NRG1: variants seen among roughly 807,000 people sequenced by gnomAD.
NRG1 encodes pro-neuregulin-1, membrane-bound isoform.
In NRG1, 18 loss-of-function variants were observed where a neutral mutation model predicts 63.8. That is an observed-to-expected ratio of 0.28 (90% CI 0.19 to 0.42). NRG1 has a LOEUF of 0.42. NRG1 is among the 10% of genes least tolerant of loss of function. NRG1 has a pLI of 1.00. For synonymous variants in NRG1, 302 were observed against 301.3 expected (o/e 1.00, Z -0.02); for missense variants, 762 against 814.7 (o/e 0.94, Z 0.79).
chr8:32,173,159 A>G (rs904345988), intron 1 of NRG1, among the ~76,000 whole-genome samples: 1 of 152,066 alleles, frequency 6.6e-6, no homozygotes, highest in Non-Finnish European at 1.5e-5. Flanking sequence ...AAACTCTACA[A>G]GCCAGAAGAG....
downstream of NRG1, among the ~76,000 whole-genome samples, chr8:32,772,232 C>T (rs917203766): frequency 6.6e-6 from 1 of 151,496 alleles, no homozygotes; most frequent in Non-Finnish European, 1.5e-5. Context: ...ATGCATAAAA[C>T]AGAATTTTTT....
At chr8:32,101,055 C>T (rs187581286) in intron 1 of NRG1, among the ~76,000 whole-genome samples, 148 of 152,088 alleles carry the variant, frequency 9.7e-4, no homozygotes, top group Admixed American at 4.5e-3. Context: ...AGGCATTTTC[C>T]GGCATCTCAT....
At chr8:32,736,510 C>T (rs1451527274) in intron 6 of NRG1, among the ~76,000 whole-genome samples, 1 of 152,132 alleles carries the variant, frequency 6.6e-6, no homozygotes, top group East Asian at 1.9e-4. Context: ...CACCAATATT[C>T]CTTGATAGAG....
At chr8:32,483,976 G>A (rs556470347) in intron 1 of NRG1, among the ~76,000 whole-genome samples, 7 of 151,980 alleles carry the variant, frequency 4.6e-5, no homozygotes, top group South Asian at 4.1e-4. Flanking sequence ...GGTGTCAGGC[G>A]CCTGCAGTCC....
At chr8:32,627,292 G>A (rs1002190750) in intron 5 of NRG1, among the ~76,000 whole-genome samples, 2 of 152,102 alleles carry the variant, frequency 1.3e-5, no homozygotes, top group Non-Finnish European at 2.9e-5. Flanking sequence ...ATAGTTTGGG[G>A]AACTTTCTGA....
At chr8:32,705,789 G>A (rs1450876943) in intron 5 of NRG1, among the ~76,000 whole-genome samples, 1 of 152,148 alleles carries the variant, frequency 6.6e-6, no homozygotes, top group Non-Finnish European at 1.5e-5. Flanking sequence ...GAACTTCAAG[G>A]TTGGAAGATG....
At chr8:32,680,843 C>T (rs1808414761) in intron 5 of NRG1, among the ~76,000 whole-genome samples, 1 of 151,874 alleles carries the variant, frequency 6.6e-6, no homozygotes, top group African/African-American at 2.4e-5. Flanking sequence ...CCCCAAGCAT[C>T]CAGTATATTT....
chr8:32,645,112 T>C (rs891322651), intron 5 of NRG1, among the ~76,000 whole-genome samples: 21 of 152,224 alleles, frequency 1.4e-4, no homozygotes, highest in Admixed American at 1.2e-3. Flanking sequence ...TAGTTTAGCA[T>C]AAACACCTGC....
chr8:32,548,142 G>T, upstream of NRG1: 7 of 880,494 alleles, frequency 8.0e-6, no homozygotes, highest in Non-Finnish European at 9.5e-6. Flanking sequence ...GGAGCGCCGA[G>T]CCCAGGCTCC....
chr8:31,981,827 A>C (rs1250636129), intron 1 of NRG1, among the ~76,000 whole-genome samples: 1 of 150,978 alleles, frequency 6.6e-6, no homozygotes, highest in South Asian at 2.1e-4. Context: ...AAGAGCTTAC[A>C]AAAAAAAAGG....
intron 1 of NRG1, among the ~76,000 whole-genome samples, chr8:32,375,516 A>C (rs1459676477): frequency 6.6e-6 from 1 of 152,150 alleles, no homozygotes; most frequent in African/African-American, 2.4e-5. Context: ...TCAGGAGAGA[A>C]GATGTTGCCC....
intron 1 of NRG1, among the ~76,000 whole-genome samples, chr8:31,736,509 A>G (rs997838044): frequency 2.6e-5 from 4 of 152,102 alleles, no homozygotes; most frequent in Admixed American, 6.6e-5. Context: ...TAAATCTTTA[A>G]TTATCCATAA....
chr8:31,813,516 C>CTTTTCTTTTCTTTTCTTTTTT, intron 1 of NRG1, among the ~76,000 whole-genome samples: 172 of 101,222 alleles, frequency 1.7e-3, no homozygotes, highest in East Asian at 4.7e-3. Context: ...CTTTTCTTTT[C>CTTTTCTTTTCTTTTCTTTTTT]TTTTTTTTTT....
At chr8:32,324,870 CA>C (rs1162925840) in intron 1 of NRG1, among the ~76,000 whole-genome samples, 9 of 152,178 alleles carry the variant, frequency 5.9e-5, no homozygotes, top group African/African-American at 2.2e-4. Context: ...CTGACTCTTT[CA>C]AGCTGTAAGC....
At chr8:32,068,057 C>T (rs1050269450) in intron 1 of NRG1, among the ~76,000 whole-genome samples, 4 of 152,128 alleles carry the variant, frequency 2.6e-5, no homozygotes, top group East Asian at 1.9e-4. Flanking sequence ...GTTTCCCTCC[C>T]GTGCTGAATA....
intron 1 of NRG1, among the ~76,000 whole-genome samples, chr8:32,573,453 T>A (rs1308022722): frequency 6.6e-6 from 1 of 152,324 alleles, no homozygotes; most frequent in South Asian, 2.1e-4. Context: ...ATAATATTCC[T>A]TGAAGAGATA....
chr8:32,622,678 A>G (rs1000523526), intron 5 of NRG1, among the ~76,000 whole-genome samples: 1 of 152,226 alleles, frequency 6.6e-6, no homozygotes, highest in Non-Finnish European at 1.5e-5. Context: ...TGCAGGCATA[A>G]GCCACCATGC....
At chr8:31,874,978 A>T (rs2129612017) in intron 1 of NRG1, among the ~76,000 whole-genome samples, 1 of 152,314 alleles carries the variant, frequency 6.6e-6, no homozygotes, top group Middle Eastern at 3.4e-3. Flanking sequence ...AAGAATCAAC[A>T]TGCATAAAAA....
intron 1 of NRG1, among the ~76,000 whole-genome samples, chr8:32,282,037 G>A (rs189209513): frequency 1.4e-4 from 21 of 152,242 alleles, no homozygotes; most frequent in South Asian, 1.0e-3. Flanking sequence ...AACTTACACC[G>A]CTCACAGAGT....
Sources: gnomAD v4.1 joint callset for allele counts (sites outside exome capture counted in the v4.1 genomes callset) on GRCh38, gnomAD v4.1.1 for gene constraint, MANE v1.5 for transcripts, NCBI Gene and HGNC (gene_info 2026-07-23, HGNC 2026-07-21) for gene names.